Variants in ZC2HC1A observed in about 807,000 individuals in gnomAD.
The protein encoded by ZC2HC1A is zinc finger C2HC-type containing 1A.
Under a neutral mutation model 40.7 loss-of-function variants are expected in ZC2HC1A, and 28 were observed. The observed-to-expected ratio is 0.69, with a 90% CI of 0.51 to 0.94. The LOEUF is 0.94. ZC2HC1A is among the 40% of genes least tolerant of loss of function. The probability of loss-of-function intolerance (pLI) is 0.00; values close to 1 mark genes in which losing one functional copy is unlikely to be tolerated. For missense variants in ZC2HC1A, 389 were observed against 386.3 expected, an observed-to-expected ratio of 1.01 and a Z score of -0.06; for synonymous variants, 129 against 129.2, an observed-to-expected ratio of 1.00 and a Z score of 0.01.
At chr8:78,689,985 A>G (rs1810154973) in intron 5 of ZC2HC1A, among the ~76,000 whole-genome samples, 1 of 152,190 alleles carries the variant, frequency 6.6e-6, no homozygotes, top group Non-Finnish European at 1.5e-5. Context: ...TATAGTGTGA[A>G]GTAAGGGGCA....
intron 3 of ZC2HC1A, among the ~76,000 whole-genome samples, chr8:78,684,454 T>C (rs1809891532): frequency 1.3e-5 from 2 of 152,338 alleles, no homozygotes; most frequent in East Asian, 1.9e-4. Flanking sequence ...GCCCCCGTGA[T>C]TCAATTACCT....
chr8:78,711,888 G>A lies in ZC2HC1A; in HGVS notation c.705-3333G>A, dbSNP rs1391393865. The A allele has an allele frequency of 8.5e-6, 5 of 589,194 alleles. No individual in the cohort carries two copies. The East Asian group carries it at 3.4e-4, about 40-fold the overall frequency. 36.5% of individuals were successfully genotyped at this position (589,194 alleles called of 1,614,324 possible). On this transcript the variant is annotated intron_variant, in intron 7 of 8. Transcript: ENST00000263849. ...CAGTCAGATAAAATTAAGGACTTGG[G>A]GAGTAGATATCTGATGAACCAGAAT...
At chr8:78,681,499 T>C (rs2130458960) in intron 3 of ZC2HC1A, among the ~76,000 whole-genome samples, 1 of 152,280 alleles carries the variant, frequency 6.6e-6, no homozygotes, top group East Asian at 1.9e-4. Flanking sequence ...TTTGCATTTA[T>C]ATTAATCAGA....
intron 2 of ZC2HC1A, chr8:78,676,142 AAT>A: frequency 8.3e-6 from 2 of 241,126 alleles, no homozygotes; most frequent in Non-Finnish European, 1.6e-5. Context: ...AAAAAAACAA[AAT>A]CAGATACCTT....
chr8:78,719,638 T>C lies in ZC2HC1A; in HGVS notation c.*2145T>C, dbSNP rs1586039928. 1 of 151,904 alleles carries C rather than the reference T, an allele frequency of 6.6e-6. No individual in the cohort carries two copies. The highest frequency in any genetic ancestry group is 2.4e-5 in the African/African-American group (1 of 41,558). 9.4% of individuals were successfully genotyped at this position (151,904 alleles called of 1,614,324 possible). ...TGTAAAAATTGCTTATGTATTATTC[T>C]GAATTGTGTTAGGTTGAAAAAGATG... On this transcript the variant is annotated 3_prime_UTR_variant, in exon 9 of 9. Transcript: ENST00000263849.
intron 3 of ZC2HC1A, among the ~76,000 whole-genome samples, chr8:78,679,604 A>C (rs1197322626): frequency 6.6e-6 from 1 of 152,162 alleles, no homozygotes; most frequent in African/African-American, 2.4e-5. Flanking sequence ...TGTATTGCTA[A>C]GAATAAATTA....
In ZC2HC1A at chr8:78,717,329, C is replaced by A. The variant is rs1213632198; in HGVS notation, c.814C>A (p.Pro272Thr). The change falls in exon 9 of 9, where the codon CCA becomes ACA. Residue 272 changes from proline (P) to threonine (T), a missense_variant and splice_region_variant. Physicochemically the swap from Pro to Thr is conservative, Grantham distance 38. Transcript: ENST00000263849. ...TTCATTGTTTCTTTACTTTTTTAGG[C>A]CAGATGGGGACTGTGCATCTTCCCT... The part of the protein sequence containing the change: ...KTYTESYIAR[P>T]DGDCASSLNG... 1 of 1,600,830 alleles carries A rather than the reference C, an allele frequency of 6.2e-7. No individual in the cohort carries two copies. Among genetic ancestry groups the A allele is most frequent in the East Asian group, 2.2e-5 (1 of 44,718 alleles).
At chr8:78,680,446 A>G (rs1436636668) in intron 3 of ZC2HC1A, among the ~76,000 whole-genome samples, 1 of 152,116 alleles carries the variant, frequency 6.6e-6, no homozygotes, top group Non-Finnish European at 1.5e-5. Flanking sequence ...CTCCTCCCAA[A>G]CATACTGAAT....
At chr8:78,691,956 A>G (rs1227278794) in intron 5 of ZC2HC1A, among the ~76,000 whole-genome samples, 1 of 152,176 alleles carries the variant, frequency 6.6e-6, no homozygotes. Flanking sequence ...AAGTGATACC[A>G]TGATTCATGG....
chr8:78,718,432 C>T lies in ZC2HC1A; in HGVS notation c.*939C>T, dbSNP rs1020165479. 2 of 151,862 alleles carry T rather than the reference C, an allele frequency of 1.3e-5. No individual in the cohort carries two copies. Among genetic ancestry groups the T allele is most frequent in the African/African-American group, 2.4e-5 (1 of 41,422 alleles). The allele number at this position is 151,862 out of a possible 1,614,324, so 9.4% of individuals were successfully genotyped here. On this transcript the variant is annotated 3_prime_UTR_variant, in exon 9 of 9. Coordinates refer to ENST00000263849, the MANE Select transcript of ZC2HC1A (RefSeq NM_016010.3). The stretch of plus-strand genomic sequence containing the variant: ...AATCATTTTAATGCATCTTAAATCA[C>T]GTCACCTAATCATAATAGTTGTGGT...
intron 8 of ZC2HC1A, 94 bp from the exon 9 acceptor site, chr8:78,717,234 C>G: frequency 8.7e-7 from 1 of 1,144,470 alleles, no homozygotes; most frequent in African/African-American, 1.6e-5. Flanking sequence ...ATTAAGCAGG[C>G]TAATTGTTAT....
chr8:78,674,690 G>A (rs982782712), intron 1 of ZC2HC1A, among the ~76,000 whole-genome samples: 1 of 152,124 alleles, frequency 6.6e-6, no homozygotes, highest in East Asian at 1.9e-4. Flanking sequence ...AGTGGAGTAA[G>A]AAATGAGAAA....
chr8:78,711,873 A>G, intron 7 of ZC2HC1A: 2 of 502,448 alleles, frequency 4.0e-6, no homozygotes, highest in South Asian at 3.6e-5. Context: ...CAGTCAGATA[A>G]AATTAAGGAC....
intron 5 of ZC2HC1A, among the ~76,000 whole-genome samples, chr8:78,691,528 G>T (rs1810211082): frequency 6.6e-6 from 1 of 151,864 alleles, no homozygotes; most frequent in South Asian, 2.1e-4. Flanking sequence ...ATCAAATCTA[G>T]TAACTTCATC....
intron 7 of ZC2HC1A, among the ~76,000 whole-genome samples, chr8:78,698,991 CTT>C (rs1042390141): frequency 2.0e-4 from 31 of 152,230 alleles, no homozygotes; most frequent in African/African-American, 6.7e-4. Context: ...ACACTGGACT[CTT>C]TTCACGTTTT....
chr8:78,692,424 CTT>C (rs1229966339), intron 5 of ZC2HC1A, among the ~76,000 whole-genome samples: 1 of 152,112 alleles, frequency 6.6e-6, no homozygotes, highest in Non-Finnish European at 1.5e-5. Context: ...TTTCTGTTGA[CTT>C]GACATTTTTG....
chr8:78,690,819 T>A (rs1445573549), intron 5 of ZC2HC1A, among the ~76,000 whole-genome samples: 1 of 152,180 alleles, frequency 6.6e-6, no homozygotes, highest in African/African-American at 2.4e-5. Flanking sequence ...TTTTGTTAGA[T>A]TTTCCAAGTA....
Position 78,693,181 on chromosome 8 carries a change from G to A in ZC2HC1A, c.504+3808G>A, listed in dbSNP as rs189747073. Reference sequence around the variant, plus strand: ...AGTCTTTGCTATTGTGAATAGTGCCGCAATAAACATACGTGTTTATGTGTC... The same window carrying A: ...AGTCTTTGCTATTGTGAATAGTGCCACAATAAACATACGTGTTTATGTGTC... On this transcript the variant is annotated intron_variant, in intron 5 of 8. Coordinates refer to ENST00000263849, the MANE Select transcript of ZC2HC1A (RefSeq NM_016010.3). 4.8e-3 allele frequency among the ~76,000 whole-genome samples: 736 copies of A among 152,140 alleles called. 8 individuals are homozygous for A. Among genetic ancestry groups the A allele is most frequent in the African/African-American group, 0.015 (610 of 41,486 alleles).
intron 4 of ZC2HC1A, 122 bp from the exon 5 acceptor site, chr8:78,689,100 A>C: frequency 1.6e-6 from 1 of 612,324 alleles, no homozygotes; most frequent in Non-Finnish European, 2.4e-6. Context: ...AGGATATGGG[A>C]ATTTTTGCTT....
Sources: allele counts gnomAD v4.1 joint callset (sites outside exome capture counted in the v4.1 genomes callset), GRCh38; gene constraint gnomAD v4.1.1; transcripts MANE v1.5; gene names NCBI Gene and HGNC (gene_info 2026-07-23, HGNC 2026-07-21).